Variants in EZH2 observed in about 807,000 individuals in gnomAD.
The protein encoded by EZH2 is enhancer of zeste 2 polycomb repressive complex 2 subunit.
EZH2 carries 18 observed loss-of-function variants against 98.4 expected under a neutral mutation model. The observed-to-expected ratio is 0.18, with a 90% CI of 0.13 to 0.27. EZH2 has a LOEUF of 0.27. Among genes scored for constraint, EZH2 ranks in the 10% least tolerant of loss-of-function variants. The pLI is 1.00. For missense variants in EZH2, 470 were observed against 935.1 expected (o/e 0.50, Z 6.49); for synonymous variants, 338 against 312.3 (o/e 1.08, Z -0.87).
intron 1 of EZH2, among the ~76,000 whole-genome samples, chr7:148,882,402 A>G (rs527420302): frequency 1.3e-5 from 2 of 152,286 alleles, no homozygotes; most frequent in South Asian, 2.1e-4. Flanking sequence ...GAAACCTTAA[A>G]TATTACATCA....
Position 148,826,618 on chromosome 7 carries a change from G to C in EZH2, c.743C>G (p.Thr248Ser). ...AAGTGCGCCTGGGAGCTGCTGTTCG[G>C]TGAGTTCTTTATATCTGACATTAAC... ...EELKEKYKEL[T>S]EQQLPGALPP... The change falls in exon 8 of 20, where the codon ACC becomes AGC. Residue 248 changes from threonine (T) to serine (S), a missense_variant. Coordinates refer to ENST00000320356, the MANE Select transcript of EZH2 (RefSeq NM_004456.5). The C allele has an allele frequency of 6.5e-7, 1 of 1,536,482 alleles. No individual in the cohort carries two copies. The highest frequency in any genetic ancestry group is 8.8e-7 in the Non-Finnish European group (1 of 1,139,270).
intron 3 of EZH2, among the ~76,000 whole-genome samples, chr7:148,843,208 C>T (rs1424664903): frequency 5.3e-5 from 4 of 76,000 alleles, no homozygotes; most frequent in Non-Finnish European, 1.1e-4. Context: ...AACTCCGTCT[C>T]AAAAAAAAAA....
chr7:148,832,256 T>A (rs1809592361), intron 4 of EZH2, among the ~76,000 whole-genome samples: 1 of 150,336 alleles, frequency 6.7e-6, no homozygotes, highest in Admixed American at 6.6e-5. Context: ...CTAACTTTTG[T>A]TTTGAGGACA....
chr7:148,821,296 A>G (rs1001484515), intron 8 of EZH2, among the ~76,000 whole-genome samples: 3 of 152,176 alleles, frequency 2.0e-5, no homozygotes, highest in Non-Finnish European at 4.4e-5. Flanking sequence ...AAATGTGGAA[A>G]AAGCCCAACA....
chr7:148,829,240 T>C (rs1211504350), intron 5 of EZH2, among the ~76,000 whole-genome samples: 1 of 152,108 alleles, frequency 6.6e-6, no homozygotes, highest in Non-Finnish European at 1.5e-5. Flanking sequence ...GATGATGATA[T>C]TACAAATATT....
At chr7:148,807,805 A>G in intron 19 of EZH2, 99 bp from the exon 20 acceptor site, 3 of 543,614 alleles carry the variant, frequency 5.5e-6, no homozygotes, top group Non-Finnish European at 9.1e-6. Context: ...GGGTGCATTA[A>G]AATGTCTTTA....
Position 148,866,887 on chromosome 7 carries a change from A to AT in EZH2, c.-8+17276dup, listed in dbSNP as rs578017044. Among the ~76,000 whole-genome samples, 744 of 149,260 alleles carry AT rather than the reference A, an allele frequency of 5.0e-3. 2 individuals are homozygous for AT. Among genetic ancestry groups the AT allele is most frequent in the Non-Finnish European group, 7.3e-3 (492 of 67,276 alleles). On this transcript the variant is annotated intron_variant, in intron 1 of 19. Transcript: ENST00000320356. ...ACATCAACGCACCCGGCTAATTTTT[A>AT]TTTTTTGGTAGAGATGGGGTTTCAC... is the stretch of plus-strand genomic sequence containing the variant.
At chr7:148,881,609 C>G (rs1037353223) in intron 1 of EZH2, among the ~76,000 whole-genome samples, 1 of 152,068 alleles carries the variant, frequency 6.6e-6, no homozygotes, top group Non-Finnish European at 1.5e-5. Flanking sequence ...TAGTAATTAT[C>G]AAATACAGAG....
intron 17 of EZH2, among the ~76,000 whole-genome samples, chr7:148,810,003 A>C (rs551509251): frequency 9.9e-5 from 15 of 152,234 alleles, no homozygotes; most frequent in Non-Finnish European, 1.9e-4. Flanking sequence ...GCTCAGAGGC[A>C]CTGACTGGAG....
intron 1 of EZH2, chr7:148,883,480 T>C (rs1484737779): frequency 1.3e-5 from 2 of 151,556 alleles, no homozygotes; most frequent in African/African-American, 4.8e-5. Flanking sequence ...GAGGCGAAGC[T>C]ACTCCGAGTT....
At chr7:148,838,782 G>A (rs1811571360) in intron 3 of EZH2, among the ~76,000 whole-genome samples, 1 of 152,236 alleles carries the variant, frequency 6.6e-6, no homozygotes. Flanking sequence ...ACCAGGCGCA[G>A]TGGCTCAGGC....
chr7:148,853,436 T>C (rs1816224254), intron 1 of EZH2, among the ~76,000 whole-genome samples: 1 of 152,016 alleles, frequency 6.6e-6, no homozygotes, highest in Admixed American at 6.6e-5. Flanking sequence ...AAGATTCTTT[T>C]AAGGAGTGTG....
chr7:148,824,247 G>A (rs538979350), intron 8 of EZH2, among the ~76,000 whole-genome samples: 5 of 151,848 alleles, frequency 3.3e-5, no homozygotes, highest in African/African-American at 7.2e-5. Flanking sequence ...TCCAGCAGGC[G>A]GAGGTTGCAG....
At chr7:148,883,298 G>C (rs977070625) in intron 1 of EZH2, 1 of 152,322 alleles carries the variant, frequency 6.6e-6, no homozygotes, top group South Asian at 2.1e-4. Flanking sequence ...GGAAGGGGAT[G>C]TACACAATGA....
At chr7:148,876,765 G>C (rs1038762908) in intron 1 of EZH2, among the ~76,000 whole-genome samples, 1 of 152,220 alleles carries the variant, frequency 6.6e-6, no homozygotes, top group Admixed American at 6.6e-5. Context: ...CACATGGTAA[G>C]TATTTTAGGC....
chr7:148,816,339 C>G (rs1013201360), intron 12 of EZH2, among the ~76,000 whole-genome samples: 11 of 152,142 alleles, frequency 7.2e-5, no homozygotes, highest in Non-Finnish European at 4.4e-5. Flanking sequence ...AAAACTGGCC[C>G]AGAGCTCACA....
chr7:148,825,132 G>A (rs1197711700), intron 8 of EZH2, among the ~76,000 whole-genome samples: 1 of 152,144 alleles, frequency 6.6e-6, no homozygotes, highest in Non-Finnish European at 1.5e-5. Context: ...CCAAAATAGT[G>A]CTTCCACTCA....
intron 1 of EZH2, among the ~76,000 whole-genome samples, chr7:148,870,048 T>C (rs375762376): frequency 9.9e-5 from 15 of 152,082 alleles, no homozygotes; most frequent in African/African-American, 3.6e-4. Flanking sequence ...TGAGACCCTG[T>C]CTCTATTTTT....
intron 15 of EZH2, 111 bp downstream of exon 15, chr7:148,813,848 C>T (rs1584907421): frequency 8.7e-7 from 1 of 1,146,264 alleles, no homozygotes; most frequent in East Asian, 2.5e-5. Context: ...TTGCACCTTT[C>T]AAGGATCACT....
Sources: allele counts gnomAD v4.1 joint callset (sites outside exome capture counted in the v4.1 genomes callset), GRCh38; gene constraint gnomAD v4.1.1; transcripts MANE v1.5; gene names NCBI Gene and HGNC (gene_info 2026-07-23, HGNC 2026-07-21).